PCGF5: variants seen among roughly 807,000 people sequenced by gnomAD.
PCGF5 encodes polycomb group RING finger protein 5.
In PCGF5, 9 loss-of-function variants were observed where a neutral mutation model predicts 44.3. That is an observed-to-expected ratio of 0.20 (90% CI 0.12 to 0.35). The LOEUF is 0.35. Among genes scored for constraint, PCGF5 ranks in the 10% least tolerant of loss-of-function variants. PCGF5 has a pLI of 1.00. For synonymous variants in PCGF5, 95 were observed against 102.5 expected (o/e 0.93, Z 0.44); for missense variants, 146 against 305.3 (o/e 0.48, Z 3.89).
At chr10:91,226,436 C>T (rs1479635160) in intron 2 of PCGF5, among the ~76,000 whole-genome samples, 1 of 152,022 alleles carries the variant, frequency 6.6e-6, no homozygotes, top group Admixed American at 6.6e-5. Context: ...AGCTACAGAC[C>T]ATATGCCATC....
rs181170944 is a variant in PCGF5, at chr10:91,243,981, C to T, written c.209+3401C>T. 4.6e-5 allele frequency among the ~76,000 whole-genome samples: 7 copies of T among 152,304 alleles called. No homozygotes were observed. The East Asian group carries it at 9.6e-4, about 21-fold the overall frequency. The stretch of plus-strand genomic sequence containing the variant: ...TCATTCAGCAAATATTTACTGGATG[C>T]CTGCTGTGTCTGGGCACTATTCTAG... On this transcript the variant is annotated intron_variant, in intron 3 of 9. Coordinates refer to ENST00000336126, the MANE Select transcript of PCGF5 (RefSeq NM_032373.5).
intron 1 of PCGF5, among the ~76,000 whole-genome samples, chr10:91,179,800 TGA>T (rs1438156020): frequency 2.6e-5 from 4 of 152,200 alleles, no homozygotes; most frequent in Admixed American, 2.6e-4. Flanking sequence ...AATAGTGCTG[TGA>T]TAAACATATG....
intron 1 of PCGF5, among the ~76,000 whole-genome samples, chr10:91,202,072 A>G (rs952162637): frequency 6.6e-6 from 1 of 152,204 alleles, no homozygotes; most frequent in African/African-American, 2.4e-5. Flanking sequence ...GTTTGCCTCA[A>G]TTTCTTCTTT....
intron 1 of PCGF5, among the ~76,000 whole-genome samples, chr10:91,191,272 G>T (rs1844029312): frequency 6.6e-6 from 1 of 152,176 alleles, no homozygotes; most frequent in South Asian, 2.1e-4. Context: ...ATAAGGGTTA[G>T]TTGAACACAA....
At chr10:91,235,695 G>C (rs985405998) in intron 2 of PCGF5, among the ~76,000 whole-genome samples, 1 of 152,118 alleles carries the variant, frequency 6.6e-6, no homozygotes, top group African/African-American at 2.4e-5. Context: ...TCTTTCTCAC[G>C]CTGTTTTCTC....
At chr10:91,247,464 A>G (rs1845495848) in intron 3 of PCGF5, among the ~76,000 whole-genome samples, 1 of 152,050 alleles carries the variant, frequency 6.6e-6, no homozygotes, top group African/African-American at 2.4e-5. Flanking sequence ...ACAGAATAAT[A>G]GTTTGAAAAG....
At chr10:91,182,548 A>C (rs1193513420) in intron 1 of PCGF5, among the ~76,000 whole-genome samples, 1 of 151,884 alleles carries the variant, frequency 6.6e-6, no homozygotes, top group African/African-American at 2.4e-5. Context: ...GATCTCCTTT[A>C]GTTCAGCTCT....
chr10:91,246,589 T>C (rs1200213250), intron 3 of PCGF5, among the ~76,000 whole-genome samples: 1 of 152,110 alleles, frequency 6.6e-6, no homozygotes, highest in African/African-American at 2.4e-5. Context: ...ATGTCTCTGC[T>C]CTGCTCAAAG....
At chr10:91,223,776 G>T (rs1257507621) in intron 2 of PCGF5, among the ~76,000 whole-genome samples, 1 of 152,014 alleles carries the variant, frequency 6.6e-6, no homozygotes, top group Non-Finnish European at 1.5e-5. Flanking sequence ...CAATGACCTG[G>T]GAGCATTTTG....
At chr10:91,169,445 C>T (rs1337990584) in intron 1 of PCGF5, among the ~76,000 whole-genome samples, 1 of 152,112 alleles carries the variant, frequency 6.6e-6, no homozygotes, top group Non-Finnish European at 1.5e-5. Flanking sequence ...TTGTAAGAGA[C>T]AAGGCTAGTA....
At chr10:91,246,666 G>A (rs1564647878) in intron 3 of PCGF5, among the ~76,000 whole-genome samples, 1 of 152,094 alleles carries the variant, frequency 6.6e-6, no homozygotes. Context: ...ATATTGAGAG[G>A]GAGCTCTGAA....
intron 3 of PCGF5, among the ~76,000 whole-genome samples, chr10:91,243,039 G>C (rs1407837374): frequency 6.6e-6 from 1 of 152,124 alleles, no homozygotes; most frequent in African/African-American, 2.4e-5. Flanking sequence ...TGACAGCTGG[G>C]ATAGCTCCTC....
chr10:91,176,415 C>T (rs1474022633), intron 1 of PCGF5, among the ~76,000 whole-genome samples: 1 of 152,144 alleles, frequency 6.6e-6, no homozygotes, highest in Non-Finnish European at 1.5e-5. Flanking sequence ...CAAGGAGTAT[C>T]TTTGTGGCAT....
chr10:91,267,819 A>G (rs1846083140), intron 8 of PCGF5, among the ~76,000 whole-genome samples: 4 of 152,152 alleles, frequency 2.6e-5, no homozygotes, highest in Admixed American at 1.3e-4. Context: ...AAGAGCTCTT[A>G]TTAGTCTACC....
chr10:91,217,255 G>A (rs1300560698), upstream of PCGF5, among the ~76,000 whole-genome samples: 2 of 152,162 alleles, frequency 1.3e-5, no homozygotes, highest in Non-Finnish European at 2.9e-5. Flanking sequence ...GGATGGTCTC[G>A]ATCTCCTGAC....
chr10:91,228,696 C>CTTA (rs1844917806), intron 2 of PCGF5, among the ~76,000 whole-genome samples: 2 of 152,146 alleles, frequency 1.3e-5, no homozygotes, highest in Admixed American at 1.3e-4. Context: ...TATACAAGTA[C>CTTA]TTAAGGTACA....
chr10:91,159,613 G>C (rs543562358), upstream of PCGF5, among the ~76,000 whole-genome samples: 2 of 152,230 alleles, frequency 1.3e-5, no homozygotes, highest in Non-Finnish European at 2.9e-5. Flanking sequence ...TGTGAGAAAT[G>C]AATGTTTGTT....
chr10:91,194,448 T>C (rs1398644664), intron 1 of PCGF5, among the ~76,000 whole-genome samples: 1 of 151,938 alleles, frequency 6.6e-6, no homozygotes, highest in East Asian at 1.9e-4. Context: ...TGCTAGAAGG[T>C]GGAAATGGCA....
At chr10:91,242,797 C>A (rs1313613461) in intron 3 of PCGF5, among the ~76,000 whole-genome samples, 1 of 152,074 alleles carries the variant, frequency 6.6e-6, no homozygotes, top group Non-Finnish European at 1.5e-5. Flanking sequence ...TGGCCCCTTA[C>A]TCTTAAATGC....
Sources: gnomAD v4.1 joint callset for allele counts (sites outside exome capture counted in the v4.1 genomes callset) on GRCh38, gnomAD v4.1.1 for gene constraint, MANE v1.5 for transcripts, NCBI Gene and HGNC (gene_info 2026-07-23, HGNC 2026-07-21) for gene names.